Variants in LY96 observed in about 807,000 individuals in gnomAD.
LY96 encodes the protein myeloid differentiation protein-2.
LY96 carries 18 observed loss-of-function variants against 18.9 expected under a neutral mutation model. That is an observed-to-expected ratio of 0.95 (90% confidence interval 0.66 to 1.41). LY96 has a LOEUF of 1.41. Ranked by LOEUF, LY96 falls within the 40% of genes most tolerant of loss-of-function variation. The pLI, the probability that LY96 is intolerant of heterozygous loss-of-function variation, is 0.00. For synonymous variants in LY96, 66 were observed against 62.6 expected (o/e 1.06, Z -0.26); for missense variants, 175 against 182.4 (o/e 0.96, Z 0.23).
At chr8:74,037,519 C>A in the LY96 span, among the ~76,000 whole-genome samples, 19 of 152,048 alleles carry the variant, frequency 1.2e-4, no homozygotes, top group Non-Finnish European at 4.4e-5. Flanking sequence ...GTAGTCCCAG[C>A]TACTCAGGAG....
At chr8:74,050,375 G>A in the LY96 span, among the ~76,000 whole-genome samples, 1 of 151,738 alleles carries the variant, frequency 6.6e-6, no homozygotes, top group Non-Finnish European at 1.5e-5. Flanking sequence ...AATTTAGTAT[G>A]AATTAAAATA....
chr8:74,086,208 G>C, the LY96 span, among the ~76,000 whole-genome samples: 3 of 152,082 alleles, frequency 2.0e-5, no homozygotes, highest in East Asian at 5.8e-4. Flanking sequence ...TCATTCCCCT[G>C]ATCTTTCTAC....
the LY96 span, among the ~76,000 whole-genome samples, chr8:74,067,825 CT>C: frequency 1.3e-5 from 2 of 151,962 alleles, no homozygotes; most frequent in African/African-American, 4.8e-5. Context: ...CTTTGGGAAG[CT>C]GAGGCAGACT....
chr8:74,041,693 T>C, the LY96 span, among the ~76,000 whole-genome samples: 1 of 152,066 alleles, frequency 6.6e-6, no homozygotes, highest in Admixed American at 6.6e-5. Context: ...CTCAGGCTTA[T>C]TAGGGTGGGG....
At chr8:74,008,610 TG>T (rs1380402936) in intron 2 of LY96, among the ~76,000 whole-genome samples, 7 of 152,056 alleles carry the variant, frequency 4.6e-5, no homozygotes, top group African/African-American at 1.7e-4. Context: ...AAAGATTTAC[TG>T]GGACTGGGAA....
intron 3 of LY96, among the ~76,000 whole-genome samples, chr8:74,025,938 G>A (rs1816863048): frequency 1.3e-5 from 2 of 152,126 alleles, no homozygotes; most frequent in Admixed American, 1.3e-4. Flanking sequence ...AACCCGTGAG[G>A]CAGAGGTTGC....
intron 1 of LY96, among the ~76,000 whole-genome samples, chr8:74,002,554 ATGAT>A: frequency 6.8e-6 from 1 of 147,418 alleles, no homozygotes; most frequent in African/African-American, 2.5e-5. Context: ...CCTCAGCTCC[ATGAT>A]TTATTTATTT....
chr8:74,004,746 A>G (rs773029207), intron 1 of LY96, 50 bp from the exon 2 acceptor site: 2 of 1,468,062 alleles, frequency 1.4e-6, no homozygotes, highest in African/African-American at 2.8e-5. Context: ...TACTATACTT[A>G]ATGGAGATGA....
the LY96 span, among the ~76,000 whole-genome samples, chr8:74,090,685 G>A: frequency 3.3e-5 from 5 of 152,286 alleles, no homozygotes; most frequent in East Asian, 5.8e-4. Context: ...CCCCAACTTG[G>A]CAATGTGAGA....
chr8:74,092,201 T>C, the LY96 span, among the ~76,000 whole-genome samples: 1 of 152,140 alleles, frequency 6.6e-6, no homozygotes, highest in Non-Finnish European at 1.5e-5. Context: ...GGCATTATTT[T>C]TGCATTCAAG....
intron 2 of LY96, among the ~76,000 whole-genome samples, chr8:74,008,671 T>C (rs1222472523): frequency 2.0e-5 from 3 of 152,160 alleles, no homozygotes; most frequent in African/African-American, 4.8e-5. Flanking sequence ...TTTAGATCTG[T>C]TGGGTGAGGT....
the LY96 span, among the ~76,000 whole-genome samples, chr8:74,094,648 T>C: frequency 2.6e-5 from 4 of 152,360 alleles, no homozygotes; most frequent in South Asian, 8.3e-4. Flanking sequence ...ATAATGATAG[T>C]TCTTTCCATC....
chr8:73,997,064 C>T (rs530532720), intron 1 of LY96, among the ~76,000 whole-genome samples: 34 of 152,162 alleles, frequency 2.2e-4, no homozygotes, highest in Admixed American at 4.6e-4. Flanking sequence ...TTAGTAGAGA[C>T]CAGGCTGATC....
chr8:74,080,984 C>CCCTTTCTT, the LY96 span, among the ~76,000 whole-genome samples: 1 of 105,172 alleles, frequency 9.5e-6, no homozygotes, highest in Non-Finnish European at 1.9e-5. Flanking sequence ...TTCTTTCTCT[C>CCCTTTCTT]TCTTTCTTTC....
intron 2 of LY96, among the ~76,000 whole-genome samples, chr8:74,008,650 A>G (rs1816465768): frequency 6.6e-6 from 1 of 152,212 alleles, no homozygotes; most frequent in Non-Finnish European, 1.5e-5. Flanking sequence ...GATGAAGAGG[A>G]GGAAATCACT....
chr8:74,068,061 CAAAAAAAAAAAAAA>C, the LY96 span, among the ~76,000 whole-genome samples: 2 of 36,192 alleles, frequency 5.5e-5, no homozygotes, highest in African/African-American at 2.5e-4. Context: ...AACTCTGTCT[CAAAAAAAAAAAAAA>C]AAAAAAAAAA....
intron 4 of LY96, 90 bp downstream of exon 4, chr8:74,026,931 T>A: frequency 1.2e-5 from 8 of 685,718 alleles, no homozygotes; most frequent in Admixed American, 2.6e-5. Flanking sequence ...AACTTCTTCC[T>A]TTTTCTTTCT....
chr8:74,001,142 T>C (rs1324465160), intron 1 of LY96, among the ~76,000 whole-genome samples: 2 of 152,044 alleles, frequency 1.3e-5, no homozygotes. Flanking sequence ...ACAACTTAAA[T>C]TGAATCACAT....
chr8:74,063,649 A>C, the LY96 span, among the ~76,000 whole-genome samples: 1 of 152,124 alleles, frequency 6.6e-6, no homozygotes, highest in African/African-American at 2.4e-5. Context: ...TGATTATAAT[A>C]TATCTATTTA....
Sources: allele counts gnomAD v4.1 joint callset (sites outside exome capture counted in the v4.1 genomes callset), GRCh38; gene constraint gnomAD v4.1.1; transcripts MANE v1.5; gene names NCBI Gene and HGNC (gene_info 2026-07-23, HGNC 2026-07-21).